Variants in MAML2 observed in about 807,000 individuals in gnomAD.
MAML2 encodes the protein mastermind like transcriptional coactivator 2.
MAML2 carries 22 observed loss-of-function variants against 96.1 expected under a neutral mutation model. The ratio of observed to expected loss-of-function variants is 0.23; its 90% CI spans 0.16 to 0.33. The LOEUF (loss-of-function observed/expected upper bound fraction) is 0.33. Among genes scored for constraint, MAML2 ranks in the 10% least tolerant of loss-of-function variants. The pLI is 1.00. For missense variants in MAML2, 1,367 were observed against 1,392.4 expected, an observed-to-expected ratio of 0.98 and a Z score of 0.29; for synonymous variants, 561 against 521.3, an observed-to-expected ratio of 1.08 and a Z score of -1.04.
chr11:96,028,384 C>T (rs922097223), intron 2 of MAML2, among the ~76,000 whole-genome samples: 1 of 152,164 alleles, frequency 6.6e-6, no homozygotes, highest in African/African-American at 2.4e-5. Flanking sequence ...GTTTAAACTC[C>T]ACTTCCCCTG....
intron 1 of MAML2, among the ~76,000 whole-genome samples, chr11:96,177,579 C>T (rs563978027): frequency 6.6e-6 from 1 of 152,260 alleles, no homozygotes; most frequent in Admixed American, 6.5e-5. Flanking sequence ...TTATTTGGGG[C>T]TGAGTCTTCC....
chr11:96,060,565 C>T (rs1317867733), intron 2 of MAML2, among the ~76,000 whole-genome samples: 1 of 152,076 alleles, frequency 6.6e-6, no homozygotes, highest in African/African-American at 2.4e-5. Flanking sequence ...CACAGAGGCC[C>T]CAGATCTAAA....
intron 1 of MAML2, among the ~76,000 whole-genome samples, chr11:96,263,410 A>C (rs1173910633): frequency 6.6e-6 from 1 of 152,262 alleles, no homozygotes; most frequent in Non-Finnish European, 1.5e-5. Flanking sequence ...ATTTAACAAC[A>C]ATATTAGTCA....
At chr11:96,250,545 T>C (rs1862568473) in intron 1 of MAML2, among the ~76,000 whole-genome samples, 1 of 152,198 alleles carries the variant, frequency 6.6e-6, no homozygotes, top group Admixed American at 6.5e-5. Flanking sequence ...TATCTCCCTA[T>C]CCCTTTATAT....
chr11:96,267,771 A>C (rs1296051512), intron 1 of MAML2, among the ~76,000 whole-genome samples: 1 of 152,202 alleles, frequency 6.6e-6, no homozygotes, highest in Non-Finnish European at 1.5e-5. Flanking sequence ...GTAGAGTCTA[A>C]TTATGGGAGG....
chr11:96,230,421 T>G lies in MAML2; in HGVS notation c.513+110962A>C, dbSNP rs567021027. 3.9e-4 allele frequency among the ~76,000 whole-genome samples: 60 copies of G among 152,356 alleles called. 1 individual carries two copies. The highest frequency in any genetic ancestry group is 1.4e-3 in the African/African-American group (57 of 41,584). On this transcript the variant is annotated intron_variant, in intron 1 of 4. Transcript: ENST00000524717. ...TTAAGGATTTATACATATTCTTTTT[T>G]CAATGATTTATACACAGTGCTTTTT...
intron 1 of MAML2, among the ~76,000 whole-genome samples, chr11:96,167,651 T>C (rs1242138142): frequency 6.6e-6 from 1 of 152,238 alleles, no homozygotes; most frequent in Non-Finnish European, 1.5e-5. Flanking sequence ...GCTGTGTGCA[T>C]GCTTCTCCCT....
At chr11:96,060,665 A>G (rs1359699771) in intron 2 of MAML2, among the ~76,000 whole-genome samples, 1 of 152,222 alleles carries the variant, frequency 6.6e-6, no homozygotes. Context: ...GCAATTCGTT[A>G]AAGCTGAGGC....
intron 1 of MAML2, among the ~76,000 whole-genome samples, chr11:96,135,862 C>CA (rs10533557): frequency 2.9e-4 from 41 of 141,058 alleles, no homozygotes; most frequent in East Asian, 8.1e-4. Context: ...GACACCATCT[C>CA]AAAAAAAAAA....
At chr11:96,107,256 C>G (rs1407942519) in intron 1 of MAML2, among the ~76,000 whole-genome samples, 2 of 152,074 alleles carry the variant, frequency 1.3e-5, no homozygotes, top group East Asian at 3.9e-4. Context: ...GCTTTGGCAT[C>G]AGAGATCTGA....
At chr11:96,188,544 T>C (rs12800599) in intron 1 of MAML2, among the ~76,000 whole-genome samples, 15,698 of 152,202 alleles carry the variant, frequency 0.1, 897 homozygotes, top group African/African-American at 0.14. Flanking sequence ...TTATGGCAAG[T>C]ACAACAGGCA....
intron 1 of MAML2, among the ~76,000 whole-genome samples, chr11:96,227,540 C>T (rs1290085173): frequency 6.6e-6 from 1 of 152,118 alleles, no homozygotes; most frequent in South Asian, 2.1e-4. Context: ...AGAGCATGAG[C>T]TCTGAAGTTA....
At chr11:96,100,839 A>T (rs983178877) in intron 1 of MAML2, among the ~76,000 whole-genome samples, 2 of 148,568 alleles carry the variant, frequency 1.3e-5, no homozygotes, top group African/African-American at 2.5e-5. Context: ...TCAACCTCCC[A>T]GGCTTAAGTG....
Position 96,214,137 on chromosome 11 carries a change from C to G in MAML2, c.514-120620G>C, listed in dbSNP as rs75499441. On this transcript the variant is annotated intron_variant, in intron 1 of 4. Transcript: ENST00000524717. ...GAAAGTATCTCCTATTATTGATGCT[C>G]AGAATTTCTATGGAATATAATATAT... Among the ~76,000 whole-genome samples the G allele has an allele frequency of 1.2e-3, 185 of 152,256 alleles. 1 individual carries two copies. Among genetic ancestry groups the G allele is most frequent in the African/African-American group, 4.3e-3 (180 of 41,556 alleles).
chr11:96,053,312 C>G (rs1228076232), intron 2 of MAML2, among the ~76,000 whole-genome samples: 2 of 152,194 alleles, frequency 1.3e-5, no homozygotes, highest in Non-Finnish European at 2.9e-5. Flanking sequence ...AATGAAAACT[C>G]TGTAGCAGAA....
intron 2 of MAML2, among the ~76,000 whole-genome samples, chr11:96,053,109 G>GGCAAAGGAAGACA (rs1859012602): frequency 6.6e-6 from 1 of 152,212 alleles, no homozygotes; most frequent in South Asian, 2.1e-4. Context: ...AAGACAAGGT[G>GGCAAAGGAAGACA]TCTTCCCTTG....
chr11:96,083,073 G>A (rs924808396), intron 2 of MAML2, among the ~76,000 whole-genome samples: 8 of 152,216 alleles, frequency 5.3e-5, no homozygotes, highest in African/African-American at 1.9e-4. Flanking sequence ...GTTGGCCTCT[G>A]AGAAGTGGCA....
At chr11:95,983,176 A>G (rs1232072075) in intron 4 of MAML2, among the ~76,000 whole-genome samples, 1 of 152,138 alleles carries the variant, frequency 6.6e-6, no homozygotes, top group Non-Finnish European at 1.5e-5. Flanking sequence ...CAGTGGGTCA[A>G]GATGTGGTGG....
At chr11:96,323,672 A>G (rs1863739386) in intron 1 of MAML2, among the ~76,000 whole-genome samples, 1 of 152,244 alleles carries the variant, frequency 6.6e-6, no homozygotes, top group African/African-American at 2.4e-5. Context: ...TTAACAATTC[A>G]TCCGGAATCT....
Sources: gnomAD v4.1 joint callset for allele counts (sites outside exome capture counted in the v4.1 genomes callset) on GRCh38, gnomAD v4.1.1 for gene constraint, MANE v1.5 for transcripts, NCBI Gene and HGNC (gene_info 2026-07-23, HGNC 2026-07-21) for gene names.